The following GHSR variants were observed in gnomAD, a reference collection of about 807,000 sequenced individuals.
GHSR encodes growth hormone secretagogue receptor type 1.
GHSR carries 17 observed loss-of-function variants against 24.0 expected under a neutral mutation model. That is an observed-to-expected ratio of 0.71 (90% CI 0.49 to 1.06). The LOEUF (loss-of-function observed/expected upper bound fraction) is 1.06. Among genes scored for constraint, GHSR ranks in the 50% least tolerant of loss-of-function variants. The pLI is 0.00. For missense variants in GHSR, 504 were observed against 483.1 expected (o/e 1.04, Z -0.41); for synonymous variants, 238 against 208.1 (o/e 1.14, Z -1.24).
In GHSR at chr3:172,447,633, T is replaced by C; in HGVS notation, c.781A>G (p.Thr261Ala). Residue 261 changes from threonine to alanine, a missense_variant, in exon 1 of 2, where the codon ACC becomes GCC. Thr to Ala is a moderately conservative substitution (Grantham distance 58). Coordinates refer to ENST00000241256, the MANE Select transcript of GHSR (RefSeq NM_198407.2). ...ASLRDQNHKQ[T>A]VKMLAVVVFA... ...TGAGACCCACCCAGCATTTTCACGG[T>C]TTGCTTGTGGTTCTGGTCCCTGAGC... The C allele has an allele frequency of 6.2e-7, 1 of 1,613,190 alleles. No individual in the cohort carries two copies. Among genetic ancestry groups the C allele is most frequent in the Non-Finnish European group, 8.5e-7 (1 of 1,179,584 alleles).
At position 172,446,748 on chromosome 3, in the gene GHSR, GT is replaced by G. The variant is rs373906564; in HGVS notation, c.796+869del. Among the ~76,000 whole-genome samples, 791 of 152,328 alleles carry G rather than the reference GT, an allele frequency of 5.2e-3. 4 individuals are homozygous for G. Among genetic ancestry groups the G allele is most frequent in the Non-Finnish European group, 8.0e-3 (544 of 68,028 alleles). On this transcript the variant is annotated intron_variant, in intron 1 of 1. Transcript: ENST00000241256. ...GTGCAATAAACATTCAGCAAATCCA[GT>G]TATGACATTGTGCCCAGATGTTCCT...
chr3:172,447,994 C>T lies in GHSR; in HGVS notation c.420G>A (p.Glu140=). 1 of 1,614,228 alleles carries T rather than the reference C, an allele frequency of 6.2e-7. No individual in the cohort carries two copies. Among genetic ancestry groups the T allele is most frequent in the Middle Eastern group, 1.6e-4 (1 of 6,062 alleles). ...TVLTITALSV[E]RYFAICFPLR... ...GTGGGAAGCAGATGGCGAAGTAGCG[C>T]TCGACGCTCAGCGCTGTGATGGTGA... Residue 140 remains glutamate, a synonymous_variant, in exon 1 of 2, where the codon GAG becomes GAA. Coordinates refer to ENST00000241256, the MANE Select transcript of GHSR (RefSeq NM_198407.2).
rs1737421722 is a variant in GHSR, at chr3:172,444,929, T to C, written c.*232A>G. On this transcript the variant is annotated 3_prime_UTR_variant, in exon 2 of 2. Coordinates refer to ENST00000241256, the MANE Select transcript of GHSR (RefSeq NM_198407.2). ...GCCCTCACCAGCACCCGCAGCAGAA[T>C]GCAAAATCATAGACAGTGAATATGC... Among the ~76,000 whole-genome samples, 1 of 152,184 alleles carries C rather than the reference T, an allele frequency of 6.6e-6. No individual in the cohort carries two copies. Among genetic ancestry groups the C allele is most frequent in the Non-Finnish European group, 1.5e-5 (1 of 68,046 alleles).
Position 172,448,389 on chromosome 3 carries a change from C to A in GHSR, c.25G>T (p.Glu9Ter), listed in dbSNP as rs762767250. 3.1e-6 allele frequency: 5 copies of A among 1,597,168 alleles called. No individual in the cohort carries two copies. The highest frequency in any genetic ancestry group is 4.2e-6 in the Non-Finnish European group (5 of 1,178,996). MWNATPSE[E>*]PGFNLTLADL... ...GCCAGTGTGAGGTTGAACCCCGGCTCTTCGCTGGGCGTCGCGTTCCACATG... is the reference window on the plus strand; with the variant it reads ...GCCAGTGTGAGGTTGAACCCCGGCTATTCGCTGGGCGTCGCGTTCCACATG... The change falls in exon 1 of 2, where the codon GAG becomes TAG. Residue 9 changes from glutamate (E) to a stop codon, truncating the protein, a stop_gained. Transcript: ENST00000241256. LOFTEE classifies it high-confidence loss of function. The surrounding 1 kb of genome is among the most constrained non-coding windows in gnomAD (Gnocchi z 4.8).
chr3:172,443,818 G>A lies in GHSR; in HGVS notation c.*1343C>T, dbSNP rs1156272509. On this transcript the variant is annotated 3_prime_UTR_variant, in exon 2 of 2. Transcript: ENST00000241256. Reference sequence around the variant, plus strand: ...TCAGATAAGCAATGGGATATAAGCAGCAAAACTAATTTGGAGACAGGACAC... The same window carrying A: ...TCAGATAAGCAATGGGATATAAGCAACAAAACTAATTTGGAGACAGGACAC... 1.3e-5 allele frequency among the ~76,000 whole-genome samples: 2 copies of A among 152,102 alleles called. No homozygotes were observed. Among genetic ancestry groups the A allele is most frequent in the Admixed American group, 6.5e-5 (1 of 15,282 alleles).
chr3:172,445,412 A>G lies in GHSR; in HGVS notation c.850T>C (p.Tyr284His). The G allele has an allele frequency of 6.2e-7, 1 of 1,614,046 alleles. No homozygotes were observed. Among genetic ancestry groups the G allele is most frequent in the Non-Finnish European group, 8.5e-7 (1 of 1,180,038 alleles). The change falls in exon 2 of 2, where the codon TAT becomes CAT. Residue 284 changes from tyrosine to histidine, a missense_variant. Transcript: ENST00000241256. Reference sequence around the variant, plus strand: ...GGCTCAAAGGATTTGGAAAATAAATATCGCCCTACGTGGAAGGGGAGCCAG... The same window carrying G: ...GGCTCAAAGGATTTGGAAAATAAATGTCGCCCTACGTGGAAGGGGAGCCAG... ...LCWLPFHVGRYLFSKSFEPGS... is the reference protein window; with the variant it reads ...LCWLPFHVGRHLFSKSFEPGS...
rs1374818712 is a variant in GHSR at position 172,445,106 on chromosome 3, G to A, written c.*55C>T. Reference sequence around the variant, plus strand: ...TCAGCTTCCTCCCAAGTTCTGCTGTGCTATGTCTTCCGGTTTAGAGTAATA... The same window carrying A: ...TCAGCTTCCTCCCAAGTTCTGCTGTACTATGTCTTCCGGTTTAGAGTAATA... On this transcript the variant is annotated 3_prime_UTR_variant, in exon 2 of 2. Transcript: ENST00000241256. The A allele has an allele frequency of 1.8e-5, 29 of 1,588,840 alleles. No individual in the cohort carries two copies. Among genetic ancestry groups the A allele is most frequent in the Non-Finnish European group, 2.5e-5 (29 of 1,157,948 alleles).
At chr3:172,447,383 G>T in intron 1 of GHSR, 1 of 344,402 alleles carries the variant, frequency 2.9e-6, no homozygotes, top group Non-Finnish European at 3.7e-6. Flanking sequence ...AAAGTAAAGG[G>T]GGAGGAGAGA....
At chr3:172,445,917 T>C (rs757152344) in intron 1 of GHSR, among the ~76,000 whole-genome samples, 1 of 151,920 alleles carries the variant, frequency 6.6e-6, no homozygotes, top group Non-Finnish European at 1.5e-5. Flanking sequence ...AAGAGGGCGA[T>C]CAGGACATAT....
rs756727375 is a variant in GHSR at position 172,448,333 on chromosome 3, G to A, written c.81C>T (p.Asn27=). The A allele has an allele frequency of 1.9e-6, 3 of 1,605,580 alleles. No homozygotes were observed. In the Admixed American group the frequency reaches 5.0e-5, roughly 27 times the overall value. ...GCAGCAGCTCGTCGCCCAGCGAGTC[G>A]TTGCCGGGGGAAGCATCCCAGTCCA... is the stretch of plus-strand genomic sequence containing the variant. ...ADLDWDASPG[N]DSLGDELLQL... is the part of the protein sequence containing the mutation. The change falls in exon 1 of 2, where the codon AAC becomes AAT. Residue 27 remains asparagine (N), a synonymous_variant. Transcript: ENST00000241256. This position sits in a 1 kb window ranked among gnomAD's most constrained non-coding sequence, Gnocchi z 4.8.
At position 172,447,756 on chromosome 3, in the gene GHSR, A is replaced by T. The variant is rs761382265; in HGVS notation, c.658T>A (p.Phe220Ile). 1.9e-6 allele frequency: 3 copies of T among 1,614,138 alleles called. No individual in the cohort carries two copies. Among genetic ancestry groups the T allele is most frequent in the Non-Finnish European group, 2.5e-6 (3 of 1,180,028 alleles). The change falls in exon 1 of 2, where the codon TTC becomes ATC. Residue 220 changes from phenylalanine to isoleucine, a missense_variant. Physicochemically the swap from Phe to Ile is conservative, Grantham distance 21. Coordinates refer to ENST00000241256, the MANE Select transcript of GHSR (RefSeq NM_198407.2). ...LTVMVWVSSI[F>I]FFLPVFCLTV... ...AGACAGAAGACAGGAAGGAAGAAGAAGATGCTGGACACCCACACCATGACC... is the reference window on the plus strand; with the variant it reads ...AGACAGAAGACAGGAAGGAAGAAGATGATGCTGGACACCCACACCATGACC...
In GHSR at chr3:172,448,444, C is replaced by T; in HGVS notation, c.-31G>A. 1 of 1,570,594 alleles carries T rather than the reference C, an allele frequency of 6.4e-7. No homozygotes were observed. The highest frequency in any genetic ancestry group is 1.1e-5 in the South Asian group (1 of 87,192). ...CGGCTCAGCTGAACAGGCTCTGGGACGTGACTGCGCTGGGAGGCTGGACCG... is the reference window on the plus strand; with the variant it reads ...CGGCTCAGCTGAACAGGCTCTGGGATGTGACTGCGCTGGGAGGCTGGACCG... On this transcript the variant is annotated 5_prime_UTR_variant, in exon 1 of 2. Transcript: ENST00000241256. The surrounding 1 kb of genome is among the most constrained non-coding windows in gnomAD (Gnocchi z 4.8).
Position 172,447,658 on chromosome 3 carries a change from C to G in GHSR, c.756G>C (p.Ser252=). The part of the protein sequence containing the change: ...RRRGDAVVGA[S]LRDQNHKQTV... ...TTTGCTTGTGGTTCTGGTCCCTGAG[C>G]GAGGCACCCACGACAGCATCGCCGC... Residue 252 remains serine (S), a synonymous_variant, in exon 1 of 2, where the codon TCG becomes TCC. Coordinates refer to ENST00000241256, the MANE Select transcript of GHSR (RefSeq NM_198407.2). 1 of 1,614,048 alleles carries G rather than the reference C, an allele frequency of 6.2e-7. No homozygotes were observed. Among genetic ancestry groups the G allele is most frequent in the Non-Finnish European group, 8.5e-7 (1 of 1,180,010 alleles).
At chr3:172,446,579 A>C (rs1737467856) in intron 1 of GHSR, among the ~76,000 whole-genome samples, 1 of 152,238 alleles carries the variant, frequency 6.6e-6, no homozygotes, top group Non-Finnish European at 1.5e-5. Flanking sequence ...ATTAAGTATG[A>C]AGTCTTGACT....
rs1737508355 is a variant in GHSR at position 172,447,805 on chromosome 3, A to G, written c.609T>C (p.Phe203=). ...WDTNECRPTE[F]AVRSGLLTVM... ...CCGTGAGCAGTCCAGAGCGCACCGC[A>G]AACTCGGTGGGGCGGCACTCGTTGG... is the stretch of plus-strand genomic sequence containing the variant. Residue 203 remains phenylalanine (F), a synonymous_variant, in exon 1 of 2, where the codon TTT becomes TTC. Coordinates refer to ENST00000241256, the MANE Select transcript of GHSR (RefSeq NM_198407.2). 1 of 1,614,000 alleles carries G rather than the reference A, an allele frequency of 6.2e-7. No homozygotes were observed. The highest frequency in any genetic ancestry group is 8.5e-7 in the Non-Finnish European group (1 of 1,180,030).
In GHSR at chr3:172,444,078, C is replaced by T. The variant is rs925830346; in HGVS notation, c.*1083G>A. Among the ~76,000 whole-genome samples, 1 of 152,110 alleles carries T rather than the reference C, an allele frequency of 6.6e-6. No individual in the cohort carries two copies. Among genetic ancestry groups the T allele is most frequent in the Non-Finnish European group, 1.5e-5 (1 of 67,998 alleles). On this transcript the variant is annotated 3_prime_UTR_variant, in exon 2 of 2. Transcript: ENST00000241256. The stretch of plus-strand genomic sequence containing the variant: ...AAAATTTTTGTTAAGCCATATGAGG[C>T]AGTTTGTGATTACCCATAATTGTTT...
chr3:172,445,990 G>C (rs981848240), intron 1 of GHSR, among the ~76,000 whole-genome samples: 6 of 151,534 alleles, frequency 4.0e-5, no homozygotes, highest in African/African-American at 1.5e-4. Context: ...TTAGGATTAA[G>C]AATCACTGAG....
chr3:172,448,113 C>A lies in GHSR; in HGVS notation c.301G>T (p.Val101Phe). ...CAGGGCCGGTACTGCCAGAGGCGAA[C>A]GAGGTCCAGGGGCATGCAGAGGAAG... Reference protein sequence around the residue: ...LIFLCMPLDLVRLWQYRPWNF... With the variant: ...LIFLCMPLDLFRLWQYRPWNF... The change falls in exon 1 of 2, where the codon GTT (valine) becomes TTT (phenylalanine). Residue 101 changes from valine (V) to phenylalanine (F), a missense_variant. Transcript: ENST00000241256. The surrounding 1 kb of genome is among the most constrained non-coding windows in gnomAD (Gnocchi z 4.8). 1 of 1,614,180 alleles carries A rather than the reference C, an allele frequency of 6.2e-7. No homozygotes were observed. Among genetic ancestry groups the A allele is most frequent in the Non-Finnish European group, 8.5e-7 (1 of 1,180,038 alleles).
Position 172,445,262 on chromosome 3 carries a change from C to T in GHSR, c.1000G>A (p.Val334Met). The T allele has an allele frequency of 5.0e-6, 8 of 1,614,150 alleles. No individual in the cohort carries two copies. The highest frequency in any genetic ancestry group is 6.8e-6 in the Non-Finnish European group (8 of 1,180,024). The change falls in exon 2 of 2, where the codon GTG becomes ATG. Residue 334 changes from valine to methionine, a missense_variant. Transcript: ENST00000241256. ...NIMSKKYRVA[V>M]FRLLGFEPFS... ...GGTTCGAATCCCAGAAGTCTGAACACTGCCACCCGGTACTTCTTGGACATG... is the reference window on the plus strand; with the variant it reads ...GGTTCGAATCCCAGAAGTCTGAACATTGCCACCCGGTACTTCTTGGACATG...
Sources: gnomAD v4.1 joint callset for allele counts (sites outside exome capture counted in the v4.1 genomes callset) on GRCh38, gnomAD v4.1.1 for gene constraint, Gnocchi (gnomAD v3.1) non-coding constraint, MANE v1.5 for transcripts, NCBI Gene and HGNC (gene_info 2026-07-23, HGNC 2026-07-21) for gene names.